NAV3: variants seen among roughly 807,000 people sequenced by gnomAD.
NAV3 encodes pore membrane and/or filament interacting like protein 1.
In NAV3, 87 loss-of-function variants were observed where a neutral mutation model predicts 244.7. The ratio of observed to expected loss-of-function variants is 0.36; its 90% CI spans 0.30 to 0.42. NAV3 has a LOEUF of 0.42. Ranked by LOEUF, NAV3 falls within the 20% of genes least tolerant of loss-of-function variation. The pLI, the probability that NAV3 is intolerant of heterozygous loss-of-function variation, is 1.00. For synonymous variants in NAV3, 1,126 were observed against 1,042.2 expected, an observed-to-expected ratio of 1.08 and a Z score of -1.55; for missense variants, 2,663 against 2,893.3, an observed-to-expected ratio of 0.92 and a Z score of 1.83.
intron 1 of NAV3, among the ~76,000 whole-genome samples, chr12:77,888,026 T>TTTTC (rs1159706341): frequency 2.0e-5 from 3 of 151,616 alleles, no homozygotes; most frequent in African/African-American, 7.3e-5. Flanking sequence ...GTTGTTGAGT[T>TTTTC]TTTTTTTTCT....
intron 22 of NAV3, among the ~76,000 whole-genome samples, chr12:78,149,818 A>G (rs1957004337): frequency 1.3e-5 from 2 of 151,988 alleles, no homozygotes; most frequent in South Asian, 4.2e-4. Flanking sequence ...GTGCAGACCC[A>G]CAGTGTAAGA....
chr12:78,166,868 T>C (rs1162625188), intron 23 of NAV3, among the ~76,000 whole-genome samples: 1 of 151,758 alleles, frequency 6.6e-6, no homozygotes, highest in Non-Finnish European at 1.5e-5. Context: ...ATTTTTTCAT[T>C]TAAAGCCACA....
intron 2 of NAV3, among the ~76,000 whole-genome samples, chr12:77,573,691 C>T (rs866529685): frequency 2.6e-5 from 4 of 152,078 alleles, no homozygotes; most frequent in Admixed American, 6.6e-5. Flanking sequence ...ATTTTTATAA[C>T]GTCCTTAACT....
intron 2 of NAV3, among the ~76,000 whole-genome samples, chr12:77,707,053 T>TTTTCTTTC (rs144244729): frequency 1.3e-5 from 2 of 150,456 alleles, no homozygotes; most frequent in African/African-American, 4.9e-5. Flanking sequence ...GCTACCTTTT[T>TTTTCTTTC]TTTCTTTCTT....
At chr12:77,909,188 T>C (rs1234941571) in intron 1 of NAV3, among the ~76,000 whole-genome samples, 1 of 152,124 alleles carries the variant, frequency 6.6e-6, no homozygotes, top group Non-Finnish European at 1.5e-5. Context: ...TATAGGATTT[T>C]ATAATAGTTT....
At chr12:78,007,480 A>G (rs1489584922) in intron 8 of NAV3, 35 bp downstream of exon 8, 4 of 1,587,834 alleles carry the variant, frequency 2.5e-6, no homozygotes, top group African/African-American at 2.7e-5. Context: ...AGTTGTAAAT[A>G]TATTTACAGG....
chr12:77,796,743 A>G (rs1871424262), intron 2 of NAV3, among the ~76,000 whole-genome samples: 1 of 152,222 alleles, frequency 6.6e-6, no homozygotes, highest in Admixed American at 6.5e-5. Flanking sequence ...AGTCAGTGGC[A>G]GTCAATACTG....
chr12:77,838,709 A>G (rs569249186), intron 1 of NAV3, among the ~76,000 whole-genome samples: 10 of 152,326 alleles, frequency 6.6e-5, no homozygotes, highest in African/African-American at 2.4e-4. Context: ...ATGCTATCAA[A>G]TCACCAACAA....
At chr12:77,890,023 A>T (rs568352968) in intron 1 of NAV3, among the ~76,000 whole-genome samples, 2 of 152,336 alleles carry the variant, frequency 1.3e-5, no homozygotes, top group African/African-American at 4.8e-5. Flanking sequence ...ATAACACAAA[A>T]ACCAGTAGGT....
chr12:77,888,822 G>T (rs1263906661), intron 1 of NAV3, among the ~76,000 whole-genome samples: 1 of 152,146 alleles, frequency 6.6e-6, no homozygotes, highest in African/African-American at 2.4e-5. Flanking sequence ...TCAGAGAGGT[G>T]AGTCATATGT....
At chr12:78,012,812 T>C (rs539539867) in intron 8 of NAV3, among the ~76,000 whole-genome samples, 4 of 152,224 alleles carry the variant, frequency 2.6e-5, no homozygotes, top group Admixed American at 6.5e-5. Flanking sequence ...TCTTTTCTTG[T>C]TTACTTATTA....
chr12:77,946,415 G>C (rs997723484), intron 3 of NAV3, among the ~76,000 whole-genome samples: 1 of 151,740 alleles, frequency 6.6e-6, no homozygotes, highest in Non-Finnish European at 1.5e-5. Context: ...TGTCCTTTTA[G>C]CACTTTATTA....
At chr12:78,156,188 T>G (rs898339595) in intron 22 of NAV3, among the ~76,000 whole-genome samples, 1 of 151,978 alleles carries the variant, frequency 6.6e-6, no homozygotes, top group Admixed American at 6.6e-5. Context: ...TATAAGGAAG[T>G]GGTCCAGTTT....
At chr12:77,880,680 T>A (rs1882519635) in intron 1 of NAV3, among the ~76,000 whole-genome samples, 1 of 152,142 alleles carries the variant, frequency 6.6e-6, no homozygotes, top group South Asian at 2.1e-4. Context: ...TGTACTTTAT[T>A]TTTATTGTGT....
chr12:78,098,502 A>T (rs912557436), intron 12 of NAV3, among the ~76,000 whole-genome samples: 1 of 151,970 alleles, frequency 6.6e-6, no homozygotes, highest in African/African-American at 2.4e-5. Flanking sequence ...CTAAAAAGGG[A>T]TTCTCACCTT....
At chr12:77,850,597 A>G (rs1877362700) in intron 1 of NAV3, among the ~76,000 whole-genome samples, 1 of 152,194 alleles carries the variant, frequency 6.6e-6, no homozygotes, top group Admixed American at 6.6e-5. Flanking sequence ...TTTTGGTTTG[A>G]GAAAGCCTCA....
chr12:77,684,575 A>G (rs1874628164), intron 2 of NAV3, among the ~76,000 whole-genome samples: 1 of 152,064 alleles, frequency 6.6e-6, no homozygotes. Context: ...CTCATGCCTC[A>G]GCCCCTCAAA....
chr12:77,736,378 T>A lies in NAV3; in HGVS notation c.72+164112T>A, dbSNP rs192305010. 6.0e-4 allele frequency among the ~76,000 whole-genome samples: 92 copies of A among 152,332 alleles called. 1 individual carries two copies. In the Middle Eastern group the frequency reaches 0.017, roughly 28 times the overall value. Reference sequence around the variant, plus strand: ...AAAACAGTATCATTTTATTTGCTCATGATTCTGCAACTTTGGCTGGGCTCA... The same window carrying A: ...AAAACAGTATCATTTTATTTGCTCAAGATTCTGCAACTTTGGCTGGGCTCA... On this transcript the variant is annotated intron_variant, in intron 2 of 8. Transcript: ENST00000550042.
At chr12:77,658,178 G>A (rs1873221898) in intron 2 of NAV3, among the ~76,000 whole-genome samples, 1 of 152,116 alleles carries the variant, frequency 6.6e-6, no homozygotes, top group Admixed American at 6.5e-5. Flanking sequence ...TTCCCTGTTT[G>A]CAGACGACAT....
Sources: gnomAD v4.1 joint callset for allele counts (sites outside exome capture counted in the v4.1 genomes callset) on GRCh38, gnomAD v4.1.1 for gene constraint, MANE v1.5 for transcripts, NCBI Gene and HGNC (gene_info 2026-07-23, HGNC 2026-07-21) for gene names.